Variants in CD58 observed in about 807,000 individuals in gnomAD.
CD58 encodes the protein lymphocyte function-associated antigen 3.
A neutral mutation model predicts 27.6 loss-of-function variants in CD58; 14 were observed. That is an observed-to-expected ratio of 0.51 (90% CI 0.34 to 0.79). The LOEUF is 0.79. Ranked by LOEUF, CD58 falls within the 30% of genes least tolerant of loss-of-function variation. The pLI, the probability that CD58 is intolerant of heterozygous loss-of-function variation, is 0.02. For missense variants in CD58, 268 were observed against 301.7 expected, an observed-to-expected ratio of 0.89 and a Z score of 0.83; for synonymous variants, 117 against 103.8, an observed-to-expected ratio of 1.13 and a Z score of -0.77.
In CD58 at chr1:116,521,926, C is replaced by T; in HGVS notation, c.686G>A (p.Cys229Tyr). 2 of 1,563,088 alleles carry T rather than the reference C, an allele frequency of 1.3e-6. No homozygotes were observed. Among genetic ancestry groups the T allele is most frequent in the Non-Finnish European group, 1.8e-6 (2 of 1,136,084 alleles). Residue 229 changes from cysteine to tyrosine, a missense_variant, in exon 4 of 6, where the codon TGT becomes TAT. Physicochemically the swap from Cys to Tyr is radical, Grantham distance 194 (BLOSUM62 -2). Coordinates refer to ENST00000369489, the MANE Select transcript of CD58 (RefSeq NM_001779.3). The surrounding 1 kb of genome is among the most constrained non-coding windows in gnomAD (Gnocchi z 5.6). ...IPIPLAVITT[C>Y]IVLYMNGILK... ...CATACCATTCATATACAGCACAATA[C>T]ATGTTGTAATTACTGCTAATGGTAT...
rs1657987652 is a variant in CD58 at position 116,541,534 on chromosome 1, G to C, written c.364+2777C>G. On this transcript the variant is annotated intron_variant, in intron 2 of 5. Coordinates refer to ENST00000369489, the MANE Select transcript of CD58 (RefSeq NM_001779.3). The surrounding 1 kb of genome is among the most constrained non-coding windows in gnomAD (Gnocchi z 5.3). ...GTAGAACCAATACAACTTCCTGGTA[G>C]AGTGAATGTGGTATTCAAGAAAAAG... Among the ~76,000 whole-genome samples, 1 of 152,218 alleles carries C rather than the reference G, an allele frequency of 6.6e-6. No individual in the cohort carries two copies. Among genetic ancestry groups the C allele is most frequent in the South Asian group, 2.1e-4 (1 of 4,834 alleles).
chr1:116,534,304 T>TGA lies in CD58; in HGVS notation c.628+1659_628+1660dup, dbSNP rs1266108480. ...AATCAAAACCCCAGTTAGCCCAGCC[T>TGA]GACCCCACAGATGCTCACGATGACC... On this transcript the variant is annotated intron_variant, in intron 3 of 5. Coordinates refer to ENST00000369489, the MANE Select transcript of CD58 (RefSeq NM_001779.3). This position sits in a 1 kb window ranked among gnomAD's most constrained non-coding sequence, Gnocchi z 5.3. Among the ~76,000 whole-genome samples, 1 of 152,240 alleles carries TGA rather than the reference T, an allele frequency of 6.6e-6. No individual in the cohort carries two copies. The highest frequency in any genetic ancestry group is 1.9e-4 in the East Asian group (1 of 5,200).
chr1:116,554,050 A>C (rs981663237), intron 1 of CD58, among the ~76,000 whole-genome samples: 1 of 152,222 alleles, frequency 6.6e-6, no homozygotes, highest in Non-Finnish European at 1.5e-5. Flanking sequence ...ATACAAAAAC[A>C]CATGCATACA....
intron 3 of CD58, among the ~76,000 whole-genome samples, chr1:116,530,713 T>C (rs138446829): frequency 6.6e-6 from 1 of 152,278 alleles, no homozygotes; most frequent in Admixed American, 6.5e-5. Context: ...ATTTAACTGT[T>C]ATACTTTCAT....
At position 116,546,926 on chromosome 1, in the gene CD58, G is replaced by A. The variant is rs1180186391; in HGVS notation, c.71-2322C>T. Among the ~76,000 whole-genome samples, 1 of 152,156 alleles carries A rather than the reference G, an allele frequency of 6.6e-6. No individual in the cohort carries two copies. Among genetic ancestry groups the A allele is most frequent in the African/African-American group, 2.4e-5 (1 of 41,440 alleles). On this transcript the variant is annotated intron_variant, in intron 1 of 5. Transcript: ENST00000369489. This position sits in a 1 kb window ranked among gnomAD's most constrained non-coding sequence, Gnocchi z 4.1. ...TAGCCTGCTTTAACGTGAAGATAATGAGGATGAAGACCTTTGATGATCCAC... is the reference window on the plus strand; with the variant it reads ...TAGCCTGCTTTAACGTGAAGATAATAAGGATGAAGACCTTTGATGATCCAC...
At chr1:116,551,738 C>CT (rs1298283594) in intron 1 of CD58, among the ~76,000 whole-genome samples, 7,785 of 129,688 alleles carry the variant, frequency 0.06, 684 homozygotes, top group African/African-American at 0.2. Context: ...TTCTTTCTTT[C>CT]TTTTTTTTTT....
intron 1 of CD58, among the ~76,000 whole-genome samples, chr1:116,548,636 T>C (rs1200394351): frequency 6.7e-6 from 1 of 150,188 alleles, no homozygotes; most frequent in Admixed American, 6.6e-5. Context: ...TGGTAGGCTA[T>C]TAGCAGTTAA....
At position 116,559,674 on chromosome 1, in the gene CD58, G is replaced by A. The variant is rs1476934737; in HGVS notation, c.70+11229C>T. Among the ~76,000 whole-genome samples the A allele has an allele frequency of 6.6e-6, 1 of 152,100 alleles. No homozygotes were observed. The highest frequency in any genetic ancestry group is 1.5e-5 in the Non-Finnish European group (1 of 68,012). On this transcript the variant is annotated intron_variant, in intron 1 of 5. Transcript: ENST00000369489. This position sits in a 1 kb window ranked among gnomAD's most constrained non-coding sequence, Gnocchi z 4.4. ...TCCCCAAGGCCAGAGCAAGGTTCCC[G>A]GACCTTGCTCTCAGCTGTCAATCTG...
rs1184370976 is a variant in CD58, at chr1:116,541,641, T to C, written c.364+2670A>G. Among the ~76,000 whole-genome samples the C allele has an allele frequency of 6.6e-6, 1 of 152,138 alleles. No individual in the cohort carries two copies. Among genetic ancestry groups the C allele is most frequent in the Non-Finnish European group, 1.5e-5 (1 of 68,006 alleles). On this transcript the variant is annotated intron_variant, in intron 2 of 5. Coordinates refer to ENST00000369489, the MANE Select transcript of CD58 (RefSeq NM_001779.3). This position sits in a 1 kb window ranked among gnomAD's most constrained non-coding sequence, Gnocchi z 5.3. ...GCCATTAACCAAAAGGGAAAAGATT[T>C]GGGGAGGAGCAGCAGGTTTTAAGGG...
intron 1 of CD58, among the ~76,000 whole-genome samples, chr1:116,565,458 G>A (rs1023675315): frequency 2.6e-5 from 4 of 152,118 alleles, no homozygotes; most frequent in African/African-American, 9.7e-5. Flanking sequence ...CCCTATTAAA[G>A]AGACCCTCCC....
rs1659113630 is a variant in CD58, at chr1:116,570,779, C to T, written c.70+124G>A. 3.0e-6 allele frequency: 2 copies of T among 677,962 alleles called. No individual in the cohort carries two copies. The highest frequency in any genetic ancestry group is 6.1e-5 in the Admixed American group (2 of 32,906). 42.0% of individuals were successfully genotyped at this position (677,962 alleles called of 1,614,324 possible). A position where few individuals can be genotyped will look rare whatever the true frequency, so the allele number is the denominator to read the frequency against. On this transcript the variant is annotated intron_variant, in intron 1 of 5. Coordinates refer to ENST00000369489, the MANE Select transcript of CD58 (RefSeq NM_001779.3). The surrounding 1 kb of genome is among the most constrained non-coding windows in gnomAD (Gnocchi z 6.4). ...TCCCACGGCTGAGTTGTTCCCGGCC[C>T]ACAGCGACCCGTCCCCACCCGTCTC...
At chr1:116,567,361 T>C (rs957409286) in intron 1 of CD58, among the ~76,000 whole-genome samples, 10 of 150,872 alleles carry the variant, frequency 6.6e-5, no homozygotes, top group Admixed American at 2.0e-4. Context: ...AGTGGCTGGA[T>C]GTGGTGGTTC....
intron 4 of CD58, among the ~76,000 whole-genome samples, chr1:116,520,167 C>T (rs962533149): frequency 6.6e-6 from 1 of 152,228 alleles, no homozygotes; most frequent in Non-Finnish European, 1.5e-5. Flanking sequence ...CACTCCATCA[C>T]CCAGGCTGGA....
intron 1 of CD58, among the ~76,000 whole-genome samples, chr1:116,545,345 A>C (rs1397570093): frequency 6.6e-6 from 1 of 152,220 alleles, no homozygotes; most frequent in Non-Finnish European, 1.5e-5. Flanking sequence ...CTGTCTTTAG[A>C]GTAGAGAGCG....
chr1:116,555,349 G>A (rs1391337450), intron 1 of CD58, among the ~76,000 whole-genome samples: 1 of 152,106 alleles, frequency 6.6e-6, no homozygotes, highest in Non-Finnish European at 1.5e-5. Flanking sequence ...GCTTTCAAAG[G>A]TTTTCTCTCT....
At chr1:116,558,857 C>T (rs765362952) in intron 1 of CD58, among the ~76,000 whole-genome samples, 8 of 152,206 alleles carry the variant, frequency 5.3e-5, no homozygotes, top group Non-Finnish European at 1.2e-4. Context: ...CTCATTTAAT[C>T]CTCAACTCAA....
chr1:116,540,361 A>C (rs1242438753), intron 2 of CD58, among the ~76,000 whole-genome samples: 1 of 152,144 alleles, frequency 6.6e-6, no homozygotes, highest in Non-Finnish European at 1.5e-5. Context: ...AAAAAAAAAA[A>C]AAAATAGTAT....
chr1:116,518,259 T>C (rs1657151002), intron 5 of CD58, among the ~76,000 whole-genome samples: 1 of 152,070 alleles, frequency 6.6e-6, no homozygotes, highest in Admixed American at 6.6e-5. Context: ...TAACAGGACC[T>C]CTGCTGTTTC....
chr1:116,536,085 A>G lies in CD58; in HGVS notation c.508T>C (p.Ser170Pro). 1 of 1,613,846 alleles carries G rather than the reference A, an allele frequency of 6.2e-7. No individual in the cohort carries two copies. The highest frequency in any genetic ancestry group is 1.1e-5 in the South Asian group (1 of 91,076). ...DCPMEQCKRNSTSIYFKMEND... is the reference protein window; with the variant it reads ...DCPMEQCKRNPTSIYFKMEND... ...TCCATCTTAAAATATATACTGGTTG[A>G]GTTACGTTTACATTGCTCCATAGGA... The change falls in exon 3 of 6, where the codon TCA becomes CCA. Residue 170 changes from serine to proline, a missense_variant. Physicochemically the swap from Ser to Pro is moderately conservative, Grantham distance 74. Coordinates refer to ENST00000369489, the MANE Select transcript of CD58 (RefSeq NM_001779.3). This position sits in a 1 kb window ranked among gnomAD's most constrained non-coding sequence, Gnocchi z 5.4.
Sources: allele counts gnomAD v4.1 joint callset (sites outside exome capture counted in the v4.1 genomes callset), GRCh38; gene constraint gnomAD v4.1.1; non-coding constraint Gnocchi (gnomAD v3.1); transcripts MANE v1.5; gene names NCBI Gene and HGNC (gene_info 2026-07-23, HGNC 2026-07-21).